Variants in IL1RAP observed in about 807,000 individuals in gnomAD.
IL1RAP encodes the protein interleukin 1 receptor accessory protein.
IL1RAP carries 35 observed loss-of-function variants against 60.7 expected under a neutral mutation model. The observed-to-expected ratio is 0.58, with a 90% CI of 0.44 to 0.76. IL1RAP has a LOEUF of 0.76. IL1RAP is among the 30% of genes least tolerant of loss of function. IL1RAP has a pLI of 0.00. For missense variants in IL1RAP, 572 were observed against 693.9 expected, an observed-to-expected ratio of 0.82 and a Z score of 1.97; for synonymous variants, 268 against 250.9, an observed-to-expected ratio of 1.07 and a Z score of -0.64.
intron 3 of IL1RAP, among the ~76,000 whole-genome samples, chr3:190,597,216 G>A (rs995431462): frequency 2.6e-5 from 4 of 152,064 alleles, no homozygotes; most frequent in African/African-American, 9.7e-5. Context: ...CAGAAATCTT[G>A]GTGATTGACT....
intron 3 of IL1RAP, among the ~76,000 whole-genome samples, chr3:190,583,522 C>T (rs888994135): frequency 6.6e-6 from 1 of 152,220 alleles, no homozygotes; most frequent in Non-Finnish European, 1.5e-5. Flanking sequence ...GTGTGCTGGG[C>T]ACTAAGCTGG....
At chr3:190,557,432 T>G (rs1725519488) in intron 2 of IL1RAP, among the ~76,000 whole-genome samples, 1 of 152,210 alleles carries the variant, frequency 6.6e-6, no homozygotes, top group East Asian at 1.9e-4. Flanking sequence ...TGTATATATG[T>G]CCTCTCAGAG....
At chr3:190,563,815 C>A in intron 2 of IL1RAP, 1 of 159,918 alleles carries the variant, frequency 6.3e-6, no homozygotes, top group Non-Finnish European at 1.4e-5. Context: ...AGAAATAGAC[C>A]AAGGGAATGC....
intron 1 of IL1RAP, among the ~76,000 whole-genome samples, chr3:190,555,312 C>G (rs954823215): frequency 6.6e-6 from 1 of 152,134 alleles, no homozygotes; most frequent in Non-Finnish European, 1.5e-5. Flanking sequence ...CTCTCTACTC[C>G]GCTTCCTTCT....
At chr3:190,515,995 C>T (rs1191892747) in intron 1 of IL1RAP, among the ~76,000 whole-genome samples, 2 of 152,266 alleles carry the variant, frequency 1.3e-5, no homozygotes, top group East Asian at 3.9e-4. Context: ...TTCCCTCCCA[C>T]ACCCTTAACC....
chr3:190,530,312 G>A (rs757260480), intron 1 of IL1RAP, among the ~76,000 whole-genome samples: 7 of 152,092 alleles, frequency 4.6e-5, no homozygotes, highest in Non-Finnish European at 7.4e-5. Flanking sequence ...GAATATTCTC[G>A]AGTAAGGGAG....
intron 5 of IL1RAP, 82 bp downstream of exon 5, chr3:190,609,263 C>A: frequency 3.1e-6 from 3 of 967,468 alleles, no homozygotes; most frequent in Non-Finnish European, 4.6e-6. Flanking sequence ...TATTTATAAG[C>A]AAAGGTGTTT....
At chr3:190,543,587 A>T (rs1413340889) in intron 1 of IL1RAP, among the ~76,000 whole-genome samples, 1 of 152,178 alleles carries the variant, frequency 6.6e-6, no homozygotes, top group South Asian at 2.1e-4. Flanking sequence ...TCATGAAAGA[A>T]GTGGTTTCGG....
intron 5 of IL1RAP, among the ~76,000 whole-genome samples, chr3:190,610,597 T>G (rs1425562179): frequency 6.6e-6 from 1 of 152,096 alleles, no homozygotes; most frequent in Non-Finnish European, 1.5e-5. Context: ...TTACCAGAGA[T>G]AAAGATGACC....
At chr3:190,600,804 G>A (rs1729792051) in intron 3 of IL1RAP, among the ~76,000 whole-genome samples, 2 of 152,030 alleles carry the variant, frequency 1.3e-5, no homozygotes, top group African/African-American at 4.8e-5. Context: ...GATAATTCCT[G>A]GGTCTTTTCA....
chr3:190,574,992 A>G (rs1727309900), intron 3 of IL1RAP, among the ~76,000 whole-genome samples: 1 of 137,702 alleles, frequency 7.3e-6, no homozygotes, highest in South Asian at 2.3e-4. Context: ...TAGGGAAATG[A>G]GTTTTTTTTT....
At chr3:190,534,705 A>C (rs960777024) in intron 1 of IL1RAP, among the ~76,000 whole-genome samples, 2 of 152,086 alleles carry the variant, frequency 1.3e-5, no homozygotes, top group African/African-American at 4.8e-5. Context: ...ATTTCTTAAT[A>C]GTTTTCAGAG....
intron 3 of IL1RAP, among the ~76,000 whole-genome samples, chr3:190,577,797 G>A (rs965511227): frequency 2.2e-4 from 34 of 152,026 alleles, no homozygotes; most frequent in African/African-American, 7.5e-4. Context: ...TTCTTGTGTT[G>A]GCCTACCAAA....
Position 190,620,368 on chromosome 3 carries a change from A to T in IL1RAP, c.631A>T (p.Thr211Ser). The T allele has an allele frequency of 6.2e-7, 1 of 1,611,518 alleles. No individual in the cohort carries two copies. The highest frequency in any genetic ancestry group is 1.3e-5 in the African/African-American group (1 of 74,944). The stretch of plus-strand genomic sequence containing the variant: ...CTTAATTTCAAATAATGGAAATTAC[A>T]CATGTGTTGTTACATATCCAGAAAA... ...IALISNNGNYTCVVTYPENGR... is the reference protein window; with the variant it reads ...IALISNNGNYSCVVTYPENGR... Residue 211 changes from threonine (T) to serine (S), a missense_variant, in exon 6 of 12, where the codon ACA (threonine) becomes TCA (serine). Physicochemically the swap from Thr to Ser is moderately conservative, Grantham distance 58. Coordinates refer to ENST00000447382, the MANE Select transcript of IL1RAP (RefSeq NM_002182.4).
At chr3:190,588,151 G>C (rs758833427) in intron 3 of IL1RAP, among the ~76,000 whole-genome samples, 9 of 152,098 alleles carry the variant, frequency 5.9e-5, no homozygotes, top group African/African-American at 9.7e-5. Context: ...ATCTCACTCT[G>C]TTGCCAGGCT....
intron 3 of IL1RAP, among the ~76,000 whole-genome samples, chr3:190,569,034 TC>T (rs2108641239): frequency 1.3e-5 from 2 of 152,300 alleles, no homozygotes; most frequent in South Asian, 4.1e-4. Context: ...CATTGCTCCT[TC>T]CTAGGAAGAA....
intron 1 of IL1RAP, among the ~76,000 whole-genome samples, chr3:190,533,499 C>A (rs527873375): frequency 3.3e-5 from 5 of 152,336 alleles, no homozygotes; most frequent in East Asian, 1.9e-4. Context: ...CTCCCTCCCC[C>A]CTGTGCTTCC....
chr3:190,596,374 C>G (rs1364516644), intron 3 of IL1RAP, among the ~76,000 whole-genome samples: 2 of 151,922 alleles, frequency 1.3e-5, no homozygotes, highest in African/African-American at 4.8e-5. Flanking sequence ...TGTGCTACCA[C>G]TCAGGCAAAA....
chr3:190,649,666 T>C lies in IL1RAP; in HGVS notation c.*961T>C. 1.0e-6 allele frequency: 1 copy of C among 985,870 alleles called. No homozygotes were observed. Among genetic ancestry groups the C allele is most frequent in the South Asian group, 4.7e-5 (1 of 21,290 alleles). The allele number at this position is 985,870 out of a possible 1,614,324, so 61.1% of individuals were successfully genotyped here. ...TGGGAAAGTGATTTTTTCTCACTCG[T>C]TTTTGTTGCTCCATTGTAAAGGGCG... On this transcript the variant is annotated 3_prime_UTR_variant, in exon 12 of 12. Coordinates refer to ENST00000447382, the MANE Select transcript of IL1RAP (RefSeq NM_002182.4).
Sources: allele counts gnomAD v4.1 joint callset (sites outside exome capture counted in the v4.1 genomes callset), GRCh38; gene constraint gnomAD v4.1.1; transcripts MANE v1.5; gene names NCBI Gene and HGNC (gene_info 2026-07-23, HGNC 2026-07-21).